The following SH3PXD2A variants were observed in gnomAD, a reference collection of about 807,000 sequenced individuals.
SH3PXD2A encodes SH3 and PX domains 2A, also known as SH3 and PX domain-containing protein 2A.
SH3PXD2A carries 32 observed loss-of-function variants against 115.2 expected under a neutral mutation model. The observed-to-expected ratio is 0.28, with a 90% confidence interval of 0.21 to 0.37. SH3PXD2A has a LOEUF of 0.37. Ranked by LOEUF, SH3PXD2A falls within the 10% of genes least tolerant of loss-of-function variation. The pLI is 1.00. For synonymous variants in SH3PXD2A, 610 were observed against 629.1 expected, an observed-to-expected ratio of 0.97 and a Z score of 0.45; for missense variants, 1,328 against 1,498.7, an observed-to-expected ratio of 0.89 and a Z score of 1.88.
intron 5 of SH3PXD2A, among the ~76,000 whole-genome samples, chr10:103,698,174 G>A (rs558708811): frequency 1.1e-4 from 16 of 152,228 alleles, no homozygotes; most frequent in Non-Finnish European, 1.6e-4. Flanking sequence ...CAGAGTGAGA[G>A]GTGAAGCCAG....
intron 8 of SH3PXD2A, among the ~76,000 whole-genome samples, chr10:103,629,048 G>T (rs906608741): frequency 6.6e-6 from 1 of 152,212 alleles, no homozygotes; most frequent in Non-Finnish European, 1.5e-5. Context: ...TGCTGCCTGT[G>T]TGGGACCAGG....
intron 2 of SH3PXD2A, among the ~76,000 whole-genome samples, chr10:103,800,696 T>C (rs1048600625): frequency 7.2e-5 from 11 of 152,110 alleles, no homozygotes; most frequent in African/African-American, 1.9e-4. Flanking sequence ...AAGGGGGGTG[T>C]CTGCAGGGGT....
At position 103,733,049 on chromosome 10, in the gene SH3PXD2A, T is replaced by G. The variant is rs375621712; in HGVS notation, c.306+2683A>C. ...TTAGTTCAGCAGAATTAAAGGTCAC[T>G]CTGTACTGCCCCACCCCCGCCATTC... On this transcript the variant is annotated intron_variant, in intron 4 of 14. Transcript: ENST00000369774. Among the ~76,000 whole-genome samples the G allele has an allele frequency of 5.9e-5, 9 of 152,214 alleles. No homozygotes were observed. In the East Asian group the frequency reaches 1.6e-3, roughly 26 times the overall value.
In SH3PXD2A at chr10:103,624,141, G is replaced by A. The variant is rs149409556; in HGVS notation, c.719-1588C>T. ...ACTCTTAGCACAGACTCTGCACCCC[G>A]AGCTATTGCTGTTCCCCTAACTCTG... On this transcript the variant is annotated intron_variant, in intron 9 of 14. Transcript: ENST00000369774. 2.2e-3 allele frequency among the ~76,000 whole-genome samples: 336 copies of A among 152,344 alleles called. 16 individuals are homozygous for A. The South Asian group carries it at 0.057, about 26-fold the overall frequency.
intron 1 of SH3PXD2A, among the ~76,000 whole-genome samples, chr10:103,849,082 C>A (rs1336896812): frequency 6.6e-6 from 1 of 150,750 alleles, no homozygotes; most frequent in Non-Finnish European, 1.5e-5. Flanking sequence ...AGGGATACGG[C>A]ACACAGGTGC....
intron 3 of SH3PXD2A, among the ~76,000 whole-genome samples, chr10:103,739,547 T>TGACC (rs1219873974): frequency 1.3e-5 from 2 of 151,494 alleles, no homozygotes; most frequent in Non-Finnish European, 2.9e-5. Context: ...GCCAAACCGG[T>TGACC]GACCGTATAA....
chr10:103,693,124 G>A (rs769525824), intron 5 of SH3PXD2A, 68 bp from the exon 6 acceptor site: 1 of 1,362,070 alleles, frequency 7.3e-7, no homozygotes, highest in Middle Eastern at 1.8e-4. Flanking sequence ...GCAGCTGCAG[G>A]GGCGCCCTCG....
At chr10:103,640,601 T>A (rs2036940484) in intron 8 of SH3PXD2A, among the ~76,000 whole-genome samples, 1 of 152,056 alleles carries the variant, frequency 6.6e-6, no homozygotes. Flanking sequence ...GTGGGAGACA[T>A]GGAGATGGGA....
intron 13 of SH3PXD2A, among the ~76,000 whole-genome samples, chr10:103,607,955 A>T (rs1485284111): frequency 6.6e-6 from 1 of 151,728 alleles, no homozygotes. Context: ...TGAAGGCAGC[A>T]TGCTCGTTAA....
intron 5 of SH3PXD2A, among the ~76,000 whole-genome samples, chr10:103,718,231 G>A (rs1313029613): frequency 6.6e-6 from 1 of 151,696 alleles, no homozygotes; most frequent in Admixed American, 6.6e-5. Flanking sequence ...TGCTCAGGCT[G>A]GTCTCAAACT....
chr10:103,840,015 C>T (rs1036076322), intron 1 of SH3PXD2A, among the ~76,000 whole-genome samples: 2 of 152,246 alleles, frequency 1.3e-5, no homozygotes, highest in Admixed American at 1.3e-4. Context: ...CGCCCAGTGC[C>T]ATCAAATCAA....
intron 2 of SH3PXD2A, among the ~76,000 whole-genome samples, chr10:103,798,707 T>C (rs2039118286): frequency 6.6e-6 from 1 of 152,154 alleles, no homozygotes; most frequent in Non-Finnish European, 1.5e-5. Flanking sequence ...GCAAAACATT[T>C]CTGAGAGCTG....
intron 1 of SH3PXD2A, among the ~76,000 whole-genome samples, chr10:103,805,487 A>G (rs1020350214): frequency 4.6e-5 from 7 of 152,254 alleles, no homozygotes; most frequent in Admixed American, 4.6e-4. Context: ...TTGGTGGCAG[A>G]GCTGGGACAG....
rs537585875 is a variant in SH3PXD2A, at chr10:103,680,857, G to A, written c.427+12171C>T. ...ACCAATTCTAAAAATGCCACGTGCCGACTAAGTTACACACACCACTTTTCT... is the reference window on the plus strand; with the variant it reads ...ACCAATTCTAAAAATGCCACGTGCCAACTAAGTTACACACACCACTTTTCT... On this transcript the variant is annotated intron_variant, in intron 6 of 14. Transcript: ENST00000369774. 1.2e-3 allele frequency among the ~76,000 whole-genome samples: 177 copies of A among 152,150 alleles called. 1 individual carries two copies. Among genetic ancestry groups the A allele is most frequent in the African/African-American group, 4.0e-3 (165 of 41,516 alleles).
rs900236872 is a variant in SH3PXD2A at position 103,735,884 on chromosome 10, G to T, written c.230-76C>A. On this transcript the variant is annotated intron_variant, in intron 3 of 14. Coordinates refer to ENST00000369774, the MANE Select transcript of SH3PXD2A (RefSeq NM_001394015.1). ...AGACCTTCTCATTCCCCTCTCCCTT[G>T]GCTTCTCAGCATCTTAGTCCAGCAC... is the stretch of plus-strand genomic sequence containing the variant. 5 of 1,152,104 alleles carry T rather than the reference G, an allele frequency of 4.3e-6. No homozygotes were observed. In the African/African-American group the frequency reaches 6.1e-5, roughly 14 times the overall value. 71.4% of individuals were successfully genotyped at this position (1,152,104 alleles called of 1,614,324 possible).
intron 1 of SH3PXD2A, among the ~76,000 whole-genome samples, chr10:103,845,877 T>G (rs991884409): frequency 1.3e-5 from 2 of 152,184 alleles, no homozygotes; most frequent in African/African-American, 4.8e-5. Flanking sequence ...CACACAGTGA[T>G]AGGCAAAAGT....
chr10:103,628,829 A>G (rs574336041), intron 8 of SH3PXD2A, among the ~76,000 whole-genome samples: 12 of 152,306 alleles, frequency 7.9e-5, no homozygotes, highest in African/African-American at 2.9e-4. Flanking sequence ...TGGTGAAGCA[A>G]TGCCACTGGT....
rs77939042 is a variant in SH3PXD2A, at chr10:103,665,961, C to T, written c.472+2647G>A. Among the ~76,000 whole-genome samples, 1,856 of 152,254 alleles carry T rather than the reference C, an allele frequency of 0.012. 45 individuals are homozygous for T. Among genetic ancestry groups the T allele is most frequent in the African/African-American group, 0.042 (1,751 of 41,540 alleles). ...CTTTATTACAGAGCCCCTGGCTGGACCTGCTGGGGTCCCAGGGGTCCCCTG... is the reference window on the plus strand; with the variant it reads ...CTTTATTACAGAGCCCCTGGCTGGATCTGCTGGGGTCCCAGGGGTCCCCTG... On this transcript the variant is annotated intron_variant, in intron 7 of 14. Coordinates refer to ENST00000369774, the MANE Select transcript of SH3PXD2A (RefSeq NM_001394015.1). The surrounding 1 kb of genome is among the most constrained non-coding windows in gnomAD (Gnocchi z 4.0).
chr10:103,736,855 C>G, intron 3 of SH3PXD2A: 1 of 1,088,978 alleles, frequency 9.2e-7, no homozygotes, highest in Non-Finnish European at 1.2e-6. Context: ...CACTCCCAGT[C>G]CTTGTGGTGT....
Sources: gnomAD v4.1 joint callset for allele counts (sites outside exome capture counted in the v4.1 genomes callset) on GRCh38, gnomAD v4.1.1 for gene constraint, Gnocchi (gnomAD v3.1) non-coding constraint, MANE v1.5 for transcripts, NCBI Gene and HGNC (gene_info 2026-07-23, HGNC 2026-07-21) for gene names.